The following IFT43 variants were observed in gnomAD, a reference collection of about 807,000 sequenced individuals.
IFT43 encodes intraflagellar transport 43.
Under a neutral mutation model 32.3 loss-of-function variants are expected in IFT43, and 33 were observed. The ratio of observed to expected loss-of-function variants is 1.02; its 90% CI spans 0.77 to 1.37. IFT43 has a LOEUF of 1.37. Ranked by LOEUF, IFT43 falls within the 40% of genes most tolerant of loss-of-function variation. The pLI is 0.00. For synonymous variants in IFT43, 93 were observed against 98.2 expected, an observed-to-expected ratio of 0.95 and a Z score of 0.31; for missense variants, 274 against 265.9, an observed-to-expected ratio of 1.03 and a Z score of -0.21.
chr14:76,062,917 C>CAAAAAAAAAAAAAAAAAAAAAA (rs746158153), intron 5 of IFT43, among the ~76,000 whole-genome samples: 31 of 72,470 alleles, frequency 4.3e-4, no homozygotes, highest in African/African-American at 1.1e-3. Flanking sequence ...GATCCCATCT[C>CAAAAAAAAAAAAAAAAAAAAAA]AAAAAAAAAA....
chr14:76,074,618 T>C (rs57221293), intron 5 of IFT43, among the ~76,000 whole-genome samples: 1,926 of 152,298 alleles, frequency 0.013, 51 homozygotes, highest in African/African-American at 0.044. Flanking sequence ...CAATACTGAT[T>C]CTTGTATAAC....
intron 3 of IFT43, among the ~76,000 whole-genome samples, chr14:76,050,795 G>C (rs766778895): frequency 4.6e-5 from 7 of 152,078 alleles, no homozygotes; most frequent in Non-Finnish European, 7.4e-5. Flanking sequence ...ATGGTTTCCT[G>C]AATAAAAAAA....
At chr14:76,032,563 C>G (rs1000823767) in intron 3 of IFT43, among the ~76,000 whole-genome samples, 7 of 152,172 alleles carry the variant, frequency 4.6e-5, no homozygotes, top group African/African-American at 1.7e-4. Context: ...TACATATTCT[C>G]TTTTTCTATC....
At chr14:76,005,937 C>T (rs1672892727) in intron 2 of IFT43, among the ~76,000 whole-genome samples, 1 of 150,684 alleles carries the variant, frequency 6.6e-6, no homozygotes, top group African/African-American at 2.4e-5. Flanking sequence ...GTGCCAATTG[C>T]TTTTGGACTG....
intron 3 of IFT43, among the ~76,000 whole-genome samples, chr14:76,027,354 T>TTC (rs1555364934): frequency 6.7e-6 from 1 of 149,470 alleles, no homozygotes; most frequent in Admixed American, 6.7e-5. Flanking sequence ...ACACACTTTT[T>TTC]CCCAAACCTG....
At position 76,051,311 on chromosome 14, in the gene IFT43, G is replaced by A. The variant is rs546361884; in HGVS notation, c.216-7331G>A. Among the ~76,000 whole-genome samples, 96 of 150,788 alleles carry A rather than the reference G, an allele frequency of 6.4e-4. 2 individuals carry two copies. The highest frequency in any genetic ancestry group is 2.3e-3 in the African/African-American group (93 of 40,918). The stretch of plus-strand genomic sequence containing the variant: ...TGCAGCTTTCAGGGGAGATTTAAAT[G>A]AGGAGAAATCTGTTGGACAAGGAAA... On this transcript the variant is annotated intron_variant, in intron 3 of 8. Transcript: ENST00000314067.
intron 2 of IFT43, among the ~76,000 whole-genome samples, chr14:76,015,713 A>G (rs1260613688): frequency 6.6e-6 from 1 of 152,228 alleles, no homozygotes; most frequent in Non-Finnish European, 1.5e-5. Flanking sequence ...ACCTCTTGGC[A>G]GAAAGGATTT....
At chr14:75,988,446 A>G (rs1024309227) in intron 1 of IFT43, among the ~76,000 whole-genome samples, 1 of 152,178 alleles carries the variant, frequency 6.6e-6, no homozygotes, top group African/African-American at 2.4e-5. Context: ...AACATGTCCA[A>G]GTAACTCAAA....
intron 3 of IFT43, among the ~76,000 whole-genome samples, chr14:76,057,684 T>C (rs1279174564): frequency 6.6e-6 from 1 of 152,220 alleles, no homozygotes; most frequent in African/African-American, 2.4e-5. Context: ...TGTCAAGGTC[T>C]ACATCCTGCC....
intron 2 of IFT43, among the ~76,000 whole-genome samples, chr14:76,016,283 G>A (rs946221310): frequency 1.3e-5 from 2 of 152,172 alleles, no homozygotes; most frequent in South Asian, 4.1e-4. Flanking sequence ...ATGGAAATCC[G>A]GTTTTCCCAG....
intron 5 of IFT43, among the ~76,000 whole-genome samples, chr14:76,073,607 G>C (rs139658583): frequency 2.6e-5 from 4 of 152,202 alleles, no homozygotes; most frequent in East Asian, 3.9e-4. Flanking sequence ...ACACATCTCT[G>C]TGTGTGTGTA....
chr14:75,986,288 C>A, intron 1 of IFT43: 2 of 1,259,890 alleles, frequency 1.6e-6, no homozygotes, highest in East Asian at 5.7e-5. Context: ...GGGAGGCAGG[C>A]AGGGACGGCC....
chr14:75,994,095 A>T (rs977593778), intron 2 of IFT43, among the ~76,000 whole-genome samples: 18 of 151,506 alleles, frequency 1.2e-4, no homozygotes, highest in African/African-American at 4.2e-4. Flanking sequence ...TAGAAATTAT[A>T]GAAAGCCCTT....
chr14:76,038,632 A>G (rs921130259), intron 3 of IFT43, among the ~76,000 whole-genome samples: 1 of 152,170 alleles, frequency 6.6e-6, no homozygotes, highest in African/African-American at 2.4e-5. Flanking sequence ...TGCATTGTTT[A>G]TTATAGGAAA....
intron 7 of IFT43, 114 bp downstream of exon 7, chr14:76,082,806 T>C: frequency 1.2e-6 from 1 of 828,262 alleles, no homozygotes; most frequent in South Asian, 1.3e-5. Context: ...CCCCTGAGGC[T>C]GCCTGCCTGG....
chr14:75,986,524 C>G (rs1001657540), intron 1 of IFT43, among the ~76,000 whole-genome samples: 1 of 151,608 alleles, frequency 6.6e-6, no homozygotes, highest in Non-Finnish European at 1.5e-5. Flanking sequence ...GGAGGTGTTA[C>G]AGTGAAAAGG....
At chr14:76,058,392 G>A (rs911170185) in intron 3 of IFT43, 9 of 439,366 alleles carry the variant, frequency 2.0e-5, no homozygotes, top group South Asian at 8.5e-5. Flanking sequence ...TAAGCCACTC[G>A]CTCAACCTGC....
At chr14:76,053,172 T>C (rs1020330879) in intron 3 of IFT43, among the ~76,000 whole-genome samples, 1 of 152,190 alleles carries the variant, frequency 6.6e-6, no homozygotes, top group African/African-American at 2.4e-5. Context: ...TATATAATTG[T>C]ATAATAGTAT....
intron 2 of IFT43, among the ~76,000 whole-genome samples, chr14:76,007,846 G>T (rs59295612): frequency 0.014 from 2,059 of 152,246 alleles, 52 homozygotes; most frequent in African/African-American, 0.043. Flanking sequence ...GAGAGCTGAT[G>T]TAGGATGACC....
Sources: allele counts gnomAD v4.1 joint callset (sites outside exome capture counted in the v4.1 genomes callset), GRCh38; gene constraint gnomAD v4.1.1; transcripts MANE v1.5; gene names NCBI Gene and HGNC (gene_info 2026-07-23, HGNC 2026-07-21).